The following TENM3 variants were observed in gnomAD, a reference collection of about 807,000 sequenced individuals.
TENM3 encodes teneurin transmembrane protein 3.
TENM3 carries 63 observed loss-of-function variants against 255.1 expected under a neutral mutation model. That is an observed-to-expected ratio of 0.25 (90% CI 0.20 to 0.30). The LOEUF is 0.30. Among genes scored for constraint, TENM3 ranks in the 10% least tolerant of loss-of-function variants. TENM3 has a pLI of 1.00. For missense variants in TENM3, 2,929 were observed against 3,461.1 expected (o/e 0.85, Z 3.86); for synonymous variants, 1,306 against 1,322.3 (o/e 0.99, Z 0.27).
the TENM3 span, among the ~76,000 whole-genome samples, chr4:181,606,480 G>A: frequency 1.3e-5 from 2 of 152,098 alleles, no homozygotes; most frequent in Admixed American, 6.5e-5. Flanking sequence ...TACATACTGT[G>A]TGCATGTCTG....
chr4:181,933,540 CAA>C, the TENM3 span, among the ~76,000 whole-genome samples: 1 of 152,148 alleles, frequency 6.6e-6, no homozygotes, highest in East Asian at 1.9e-4. Flanking sequence ...GAGACGTAAC[CAA>C]AGAGGCTTCC....
rs139156818 is a variant in TENM3 at position 182,613,385 on chromosome 4, T to C, written c.749+12224T>C. On this transcript the variant is annotated intron_variant, in intron 4 of 27. Coordinates refer to ENST00000511685, the MANE Select transcript of TENM3 (RefSeq NM_001080477.4). Reference sequence around the variant, plus strand: ...TAATGGCTAAAAATATTTTTTTGTATATTTAGTCCTGTTGTTCAGTTCTTA... The same window carrying C: ...TAATGGCTAAAAATATTTTTTTGTACATTTAGTCCTGTTGTTCAGTTCTTA... Among the ~76,000 whole-genome samples, 667 of 152,282 alleles carry C rather than the reference T, an allele frequency of 4.4e-3. 2 individuals are homozygous for C. Among genetic ancestry groups the C allele is most frequent in the African/African-American group, 0.015 (644 of 41,570 alleles).
chr4:181,486,329 C>A, the TENM3 span, among the ~76,000 whole-genome samples: 2 of 152,104 alleles, frequency 1.3e-5, no homozygotes, highest in African/African-American at 4.8e-5. Flanking sequence ...CGGAGACTTG[C>A]CACATTCACA....
chr4:181,481,311 C>T, the TENM3 span, among the ~76,000 whole-genome samples: 5 of 151,938 alleles, frequency 3.3e-5, no homozygotes, highest in African/African-American at 1.2e-4. Context: ...TGTTTCATGC[C>T]GATGCTATCC....
chr4:181,835,612 T>C, the TENM3 span, among the ~76,000 whole-genome samples: 83,558 of 151,986 alleles, frequency 0.55, 24,590 homozygotes, highest in East Asian at 0.74. Flanking sequence ...CGTTTTCCTG[T>C]GATTCAGGAG....
At chr4:182,365,722 T>C in intron 3 of TENM3, among the ~76,000 whole-genome samples, 1 of 152,204 alleles carries the variant, frequency 6.6e-6, no homozygotes, top group Admixed American at 6.5e-5. Flanking sequence ...TACATAGGGA[T>C]ATAGATACAG....
intron 3 of TENM3, among the ~76,000 whole-genome samples, chr4:182,370,558 C>T (rs1580325536): frequency 6.6e-6 from 1 of 152,242 alleles, no homozygotes; most frequent in South Asian, 2.1e-4. Context: ...TAACATTTCC[C>T]CTTTCTCTTT....
chr4:182,484,202 C>A (rs2151533520), intron 3 of TENM3, among the ~76,000 whole-genome samples: 1 of 152,212 alleles, frequency 6.6e-6, no homozygotes. Context: ...AATCCTTACA[C>A]CAATCCGATA....
At chr4:182,746,339 GT>G (rs1427038268) in intron 19 of TENM3, among the ~76,000 whole-genome samples, 1 of 152,190 alleles carries the variant, frequency 6.6e-6, no homozygotes, top group East Asian at 1.9e-4. Context: ...TAAAAATGAA[GT>G]CTGCTTAAAT....
chr4:182,245,893 T>C (rs757527561), intron 1 of TENM3, among the ~76,000 whole-genome samples: 39 of 152,184 alleles, frequency 2.6e-4, no homozygotes, highest in African/African-American at 4.3e-4. Flanking sequence ...TTAATAAATA[T>C]AGGAATTTAG....
At chr4:181,922,218 G>A in the TENM3 span, among the ~76,000 whole-genome samples, 1 of 152,272 alleles carries the variant, frequency 6.6e-6, no homozygotes, top group Non-Finnish European at 1.5e-5. Context: ...GTCTCTGCCT[G>A]GCTTTGGTAT....
chr4:182,747,584 G>A (rs1039177494), intron 19 of TENM3, among the ~76,000 whole-genome samples: 5 of 152,106 alleles, frequency 3.3e-5, no homozygotes, highest in Admixed American at 1.3e-4. Context: ...CCTCATCCTT[G>A]TTCCAATTCT....
intron 3 of TENM3, among the ~76,000 whole-genome samples, chr4:182,593,304 G>C (rs1046926464): frequency 2.0e-5 from 3 of 152,150 alleles, no homozygotes; most frequent in Non-Finnish European, 4.4e-5. Context: ...GTGCTTCTCA[G>C]ATTCTCTCAC....
At position 182,755,013 on chromosome 4, in the gene TENM3, A is replaced by G; in HGVS notation, c.4646A>G (p.Asn1549Ser). 6.2e-7 allele frequency: 1 copy of G among 1,614,044 alleles called. No individual in the cohort carries two copies. Among genetic ancestry groups the G allele is most frequent in the Non-Finnish European group, 8.5e-7 (1 of 1,179,882 alleles). The change falls in exon 22 of 28, where the codon AAT (asparagine) becomes AGT (serine). Residue 1549 changes from asparagine (N) to serine (S), a missense_variant. This residue lies in a region of TENM3 where 1,608 missense variants were observed against 1,884.4 expected (regional missense o/e 0.85). Coordinates refer to ENST00000511685, the MANE Select transcript of TENM3 (RefSeq NM_001080477.4). Reference protein sequence around the residue: ...GDYLYNFSYSNDNDITAVTDS... With the variant: ...GDYLYNFSYSSDNDITAVTDS... ...TACCTTTACAATTTTAGCTACAGCA[A>G]TGACAATGATATTACTGCTGTGACA...
intron 1 of TENM3, among the ~76,000 whole-genome samples, chr4:182,160,697 G>C (rs1751082963): frequency 6.6e-6 from 1 of 152,192 alleles, no homozygotes; most frequent in Admixed American, 6.5e-5. Context: ...CATGGGGAAG[G>C]GGAGACGTTG....
intron 1 of TENM3, among the ~76,000 whole-genome samples, chr4:182,156,948 G>A (rs1750747572): frequency 6.6e-6 from 1 of 152,168 alleles, no homozygotes; most frequent in Non-Finnish European, 1.5e-5. Context: ...AGAGGTAACT[G>A]ATAGTAATTA....
the TENM3 span, among the ~76,000 whole-genome samples, chr4:182,009,918 C>T: frequency 2.2e-5 from 3 of 138,644 alleles, no homozygotes; most frequent in Non-Finnish European, 3.2e-5. Context: ...AGAGTGCCCA[C>T]TCACCGCCTC....
At chr4:182,571,027 G>A (rs1430513788) in intron 3 of TENM3, among the ~76,000 whole-genome samples, 1 of 152,154 alleles carries the variant, frequency 6.6e-6, no homozygotes, top group Non-Finnish European at 1.5e-5. Flanking sequence ...TTCGGGGGAT[G>A]ATTTTTAACT....
chr4:181,573,362 T>A, the TENM3 span, among the ~76,000 whole-genome samples: 3 of 151,866 alleles, frequency 2.0e-5, no homozygotes, highest in Non-Finnish European at 4.4e-5. Context: ...CCACCAAGAG[T>A]GTACACAGAT....
Sources: allele counts gnomAD v4.1 joint callset (sites outside exome capture counted in the v4.1 genomes callset), GRCh38; gene constraint gnomAD v4.1.1; regional missense constraint gnomAD v4.1.1; transcripts MANE v1.5; gene names NCBI Gene and HGNC (gene_info 2026-07-23, HGNC 2026-07-21).